The following ITPR1 variants were observed in gnomAD, a reference collection of about 807,000 sequenced individuals.
ITPR1 encodes inositol 1,4,5-trisphosphate-gated calcium channel ITPR1.
ITPR1 carries 96 observed loss-of-function variants against 318.4 expected under a neutral mutation model. The observed-to-expected ratio is 0.30, with a 90% confidence interval of 0.26 to 0.36. ITPR1 has a LOEUF of 0.36. Ranked by LOEUF, ITPR1 falls within the 10% of genes least tolerant of loss-of-function variation. ITPR1 has a pLI of 1.00. For synonymous variants in ITPR1, 1,312 were observed against 1,289.9 expected, an observed-to-expected ratio of 1.02 and a Z score of -0.37; for missense variants, 2,440 against 3,460.2, an observed-to-expected ratio of 0.71 and a Z score of 7.40.
At chr3:4,711,059 A>G (rs1353536618) in intron 38 of ITPR1, among the ~76,000 whole-genome samples, 1 of 151,910 alleles carries the variant, frequency 6.6e-6, no homozygotes, top group Non-Finnish European at 1.5e-5. Flanking sequence ...TAAAAATACA[A>G]AAATTAGCTG....
intron 5 of ITPR1, among the ~76,000 whole-genome samples, chr3:4,636,684 C>A (rs1291558397): frequency 6.6e-6 from 1 of 152,252 alleles, no homozygotes; most frequent in African/African-American, 2.4e-5. Context: ...CTGCCTCGGC[C>A]TCCCAGAGTG....
At chr3:4,688,244 A>G (rs892431262) in intron 30 of ITPR1, among the ~76,000 whole-genome samples, 6 of 133,862 alleles carry the variant, frequency 4.5e-5, no homozygotes, top group African/African-American at 1.5e-4. Flanking sequence ...TAATGGACTC[A>G]TGGATGCCTT....
chr3:4,744,950 C>T (rs113216639), intron 44 of ITPR1, among the ~76,000 whole-genome samples: 2,040 of 57,978 alleles, frequency 0.035, 12 homozygotes, highest in Non-Finnish European at 0.044. Context: ...CCTTCCTTCC[C>T]TCCCTCCCTC....
intron 4 of ITPR1, among the ~76,000 whole-genome samples, chr3:4,571,548 G>A (rs1401029852): frequency 1.3e-5 from 2 of 151,954 alleles, no homozygotes; most frequent in East Asian, 1.9e-4. Flanking sequence ...TGCCCAGGCT[G>A]GTCTTGAACT....
chr3:4,733,162 T>C lies in ITPR1; in HGVS notation c.5295T>C (p.Leu1765=). 6.2e-7 allele frequency: 1 copy of C among 1,613,998 alleles called. No individual in the cohort carries two copies. ...NVRPSGRRES[L]TSFGNGPLSA... The stretch of plus-strand genomic sequence containing the variant: ...GACCTTCGGGACGAAGAGAGAGCCT[T>C]ACCAGCTTTGGCAATGGCCCACTGT... Residue 1765 remains leucine (L), a synonymous_variant, in exon 43 of 62, where the codon CTT becomes CTC. Transcript: ENST00000649015.
At chr3:4,544,892 T>A (rs1384025451) in intron 4 of ITPR1, among the ~76,000 whole-genome samples, 1 of 152,190 alleles carries the variant, frequency 6.6e-6, no homozygotes, top group Non-Finnish European at 1.5e-5. Context: ...CCTCTTAGGC[T>A]TAAGCAATCC....
At chr3:4,718,902 G>A (rs2041952642) in intron 40 of ITPR1, among the ~76,000 whole-genome samples, 1 of 152,146 alleles carries the variant, frequency 6.6e-6, no homozygotes, top group African/African-American at 2.4e-5. Flanking sequence ...TTGTTTCTAC[G>A]TAGAGTTGTA....
At chr3:4,566,731 G>T (rs2087323944) in intron 4 of ITPR1, among the ~76,000 whole-genome samples, 1 of 151,212 alleles carries the variant, frequency 6.6e-6, no homozygotes, top group African/African-American at 2.4e-5. Context: ...TCCCTTCATT[G>T]TTCCCATACA....
chr3:4,534,382 T>C (rs938484250), intron 4 of ITPR1, among the ~76,000 whole-genome samples: 1 of 152,148 alleles, frequency 6.6e-6, no homozygotes, highest in East Asian at 1.9e-4. Context: ...GAGGCATCTC[T>C]CCCCAAGGTG....
Position 4,702,904 on chromosome 3 carries a change from C to T in ITPR1, c.4611C>T (p.Ser1537=). 6.2e-7 allele frequency: 1 copy of T among 1,613,938 alleles called. No homozygotes were observed. Among genetic ancestry groups the T allele is most frequent in the Non-Finnish European group, 8.5e-7 (1 of 1,179,850 alleles). ...ACCACTGCAACTGGTTAATGCCAAGCCAAAAAGCCTCCGTGGAGAGCTGTA... is the reference window on the plus strand; with the variant it reads ...ACCACTGCAACTGGTTAATGCCAAGTCAAAAAGCCTCCGTGGAGAGCTGTA... ...RVYHCNWLMP[S]QKASVESCIR... Residue 1537 remains serine (S), a synonymous_variant, in exon 36 of 62, where the codon AGC becomes AGT. Coordinates refer to ENST00000649015, the MANE Select transcript of ITPR1 (RefSeq NM_001378452.1).
chr3:4,674,250 T>C lies in ITPR1; in HGVS notation c.2505T>C (p.Ala835=). ...ASKDEIKERF[A]QTMEFVEEYL... ...AAGATGAAATTAAGGAGAGATTTGC[T>C]CAGACCATGGAGTTTGTGGAGGAGT... Residue 835 remains alanine, a synonymous_variant, in exon 22 of 62, where the codon GCT becomes GCC. Transcript: ENST00000649015. 2 of 1,572,142 alleles carry C rather than the reference T, an allele frequency of 1.3e-6. No homozygotes were observed. Among genetic ancestry groups the C allele is most frequent in the Non-Finnish European group, 1.7e-6 (2 of 1,156,650 alleles).
chr3:4,801,810 G>A (rs1283962192), intron 54 of ITPR1, among the ~76,000 whole-genome samples: 1 of 152,076 alleles, frequency 6.6e-6, no homozygotes, highest in Non-Finnish European at 1.5e-5. Flanking sequence ...TAAAAAAAAG[G>A]GAATGGAGAG....
chr3:4,814,118 A>G (rs909532988), intron 57 of ITPR1, among the ~76,000 whole-genome samples: 4 of 152,228 alleles, frequency 2.6e-5, no homozygotes, highest in Non-Finnish European at 5.9e-5. Context: ...CTCATCTGAC[A>G]TGAAAAGACT....
At chr3:4,735,582 AC>A in intron 44 of ITPR1, 2 of 531,628 alleles carry the variant, frequency 3.8e-6, no homozygotes, top group Non-Finnish European at 6.7e-6. Flanking sequence ...AACTGATAAA[AC>A]ACTGAGAATA....
chr3:4,761,685 G>T lies in ITPR1; in HGVS notation c.5545-4845G>T, dbSNP rs985870586. Among the ~76,000 whole-genome samples the T allele has an allele frequency of 3.3e-5, 5 of 152,308 alleles. No homozygotes were observed. In the East Asian group the frequency reaches 7.7e-4, roughly 23 times the overall value. The stretch of plus-strand genomic sequence containing the variant: ...GCTCTTGGTCTGGGTGAAGAGTGAT[G>T]AATTGAAAGAGGTTCCGGGAGGGAG... On this transcript the variant is annotated intron_variant, in intron 44 of 61. Coordinates refer to ENST00000649015, the MANE Select transcript of ITPR1 (RefSeq NM_001378452.1).
intron 4 of ITPR1, among the ~76,000 whole-genome samples, chr3:4,617,159 T>C (rs752387774): frequency 1.2e-4 from 18 of 152,130 alleles, no homozygotes; most frequent in Non-Finnish European, 2.1e-4. Context: ...TGAGCATTCA[T>C]CAGCAGTGTA....
intron 4 of ITPR1, among the ~76,000 whole-genome samples, chr3:4,565,764 CAG>C (rs1383549885): frequency 6.6e-6 from 1 of 152,310 alleles, no homozygotes; most frequent in East Asian, 1.9e-4. Context: ...GATATTGAAA[CAG>C]AATTAAAATT....
chr3:4,521,990 A>G (rs1320799346), intron 4 of ITPR1, among the ~76,000 whole-genome samples: 2 of 151,668 alleles, frequency 1.3e-5, no homozygotes, highest in African/African-American at 4.8e-5. Context: ...AGCTTAGTTT[A>G]TTGTAGGAGG....
At chr3:4,836,733 GTCTTTT>G (rs2050948375) in intron 60 of ITPR1, 35 bp from the exon 61 acceptor site, 3 of 1,265,070 alleles carry the variant, frequency 2.4e-6, no homozygotes, top group Non-Finnish European at 2.0e-6. Context: ...AAGTGACTCA[GTCTTTT>G]TTTTTTTTTT....
Sources: gnomAD v4.1 joint callset for allele counts (sites outside exome capture counted in the v4.1 genomes callset) on GRCh38, gnomAD v4.1.1 for gene constraint, MANE v1.5 for transcripts, NCBI Gene and HGNC (gene_info 2026-07-23, HGNC 2026-07-21) for gene names.